SATB1: variants seen among roughly 807,000 people sequenced by gnomAD.
SATB1 encodes SATB homeobox 1.
Under a neutral mutation model 86.9 loss-of-function variants are expected in SATB1, and 11 were observed. The ratio of observed to expected loss-of-function variants is 0.13; its 90% confidence interval spans 0.08 to 0.21. The LOEUF is 0.21. Ranked by LOEUF, SATB1 falls within the 10% of genes least tolerant of loss-of-function variation. The pLI is 1.00. For missense variants in SATB1, 551 were observed against 937.6 expected (o/e 0.59, Z 5.39); for synonymous variants, 357 against 357.2 (o/e 1.00, Z 0.01).
intron 1 of SATB1, chr3:18,436,951 T>A (rs139245447): frequency 6.6e-5 from 10 of 152,188 alleles, no homozygotes; most frequent in African/African-American, 2.4e-4. Flanking sequence ...AAGTCCAGCT[T>A]TAAATCCCTC....
At chr3:18,415,270 A>G in intron 4 of SATB1, 36 bp from the exon 5 acceptor site, 1 of 1,610,836 alleles carries the variant, frequency 6.2e-7, no homozygotes, top group Non-Finnish European at 8.5e-7. Flanking sequence ...GGATTATTAC[A>G]AGATTGCATC....
chr3:18,377,873 A>G (rs889886839), intron 9 of SATB1, among the ~76,000 whole-genome samples: 22 of 152,198 alleles, frequency 1.4e-4, no homozygotes, highest in Admixed American at 6.5e-5. Context: ...TTATTCTACT[A>G]CAATAGACCA....
At chr3:18,418,944 C>T (rs549007314) in intron 2 of SATB1, among the ~76,000 whole-genome samples, 31 of 152,294 alleles carry the variant, frequency 2.0e-4, no homozygotes, top group African/African-American at 7.2e-4. Context: ...TAGTTTTCCT[C>T]CTCCTGTCCT....
intron 9 of SATB1, among the ~76,000 whole-genome samples, chr3:18,365,101 A>AG (rs1695117945): frequency 1.3e-5 from 2 of 152,172 alleles, no homozygotes; most frequent in African/African-American, 4.8e-5. Context: ...ATGAGATTTC[A>AG]TTAATTAAAT....
chr3:18,360,325 C>T (rs116012561), intron 9 of SATB1, among the ~76,000 whole-genome samples: 1,987 of 152,224 alleles, frequency 0.013, 26 homozygotes, highest in Middle Eastern at 0.034. Context: ...CCCATAGTTA[C>T]CCTACTGTGC....
intron 5 of SATB1, among the ~76,000 whole-genome samples, chr3:18,397,944 C>G (rs147728891): frequency 6.6e-6 from 1 of 152,274 alleles, no homozygotes; most frequent in East Asian, 1.9e-4. Flanking sequence ...AAACTATTCA[C>G]AGAGATCCTC....
intron 5 of SATB1, among the ~76,000 whole-genome samples, chr3:18,403,382 T>C (rs1306099610): frequency 6.6e-6 from 1 of 152,120 alleles, no homozygotes; most frequent in Non-Finnish European, 1.5e-5. Context: ...GGTTTCTGAA[T>C]GCTAATTAAT....
intron 8 of SATB1, among the ~76,000 whole-genome samples, chr3:18,379,501 A>T (rs968273309): frequency 6.6e-6 from 1 of 152,224 alleles, no homozygotes; most frequent in Non-Finnish European, 1.5e-5. Flanking sequence ...AAACCATGAA[A>T]ATAGAAAATG....
intron 8 of SATB1, among the ~76,000 whole-genome samples, chr3:18,380,829 T>G (rs1263923752): frequency 1.3e-5 from 2 of 152,246 alleles, no homozygotes; most frequent in South Asian, 2.1e-4. Context: ...GAAACAAAAA[T>G]CTTTTATACC....
At chr3:18,371,623 G>T (rs1253930300) in intron 9 of SATB1, among the ~76,000 whole-genome samples, 2 of 151,998 alleles carry the variant, frequency 1.3e-5, no homozygotes, top group Non-Finnish European at 2.9e-5. Context: ...AATTTTAATG[G>T]TACAGTTTCT....
At chr3:18,370,554 A>AAAAAAG (rs1391310238) in intron 9 of SATB1, among the ~76,000 whole-genome samples, 2 of 147,412 alleles carry the variant, frequency 1.4e-5, no homozygotes, top group East Asian at 1.9e-4. Flanking sequence ...AACAAAAAAG[A>AAAAAAG]AAAAAGAAAA....
intron 9 of SATB1, among the ~76,000 whole-genome samples, chr3:18,356,625 A>G (rs754372225): frequency 6.6e-6 from 1 of 151,808 alleles, no homozygotes; most frequent in Non-Finnish European, 1.5e-5. Flanking sequence ...TTGTTGTACC[A>G]CATTTAAATA....
At chr3:18,420,701 C>T in intron 2 of SATB1, 56 bp downstream of exon 2, 1 of 1,424,998 alleles carries the variant, frequency 7.0e-7, no homozygotes, top group Admixed American at 1.7e-5. Context: ...CACAGTGTGG[C>T]CTTGTGTAGA....
chr3:18,370,514 G>GAA (rs1559407361), intron 9 of SATB1, among the ~76,000 whole-genome samples: 37 of 13,118 alleles, frequency 2.8e-3, no homozygotes, highest in Non-Finnish European at 5.0e-3. Context: ...ACTGAGAGAG[G>GAA]CAAAAAAAAA....
rs1694410306 is a variant in SATB1 at position 18,352,383 on chromosome 3, G to C, written c.1576-188C>G. On this transcript the variant is annotated intron_variant, in intron 9 of 10. Coordinates refer to ENST00000338745, the MANE Select transcript of SATB1 (RefSeq NM_002971.6). This position sits in a 1 kb window ranked among gnomAD's most constrained non-coding sequence, Gnocchi z 4.1. ...TGTGGCTGTCAAGGAGGCAGACTCT[G>C]TTTCTAATCAAAGTTCAGATTTGCA... is the stretch of plus-strand genomic sequence containing the variant. 1 of 564,118 alleles carries C rather than the reference G, an allele frequency of 1.8e-6. No individual in the cohort carries two copies. Among genetic ancestry groups the C allele is most frequent in the Admixed American group, 3.0e-5 (1 of 32,952 alleles). 34.9% of individuals were successfully genotyped at this position (564,118 alleles called of 1,614,324 possible).
chr3:18,348,135 T>C lies in SATB1; in HGVS notation c.*1035A>G, dbSNP rs951880486. 4 of 152,644 alleles carry C rather than the reference T, an allele frequency of 2.6e-5. No homozygotes were observed. The highest frequency in any genetic ancestry group is 5.9e-5 in the Non-Finnish European group (4 of 68,024). The allele number at this position is 152,644 out of a possible 1,614,324, so 9.5% of individuals were successfully genotyped here. ...ATTTTATACAGATGTAGCTTTAAAATTGATTGTAAACCAAAGGAAGACACA... is the reference window on the plus strand; with the variant it reads ...ATTTTATACAGATGTAGCTTTAAAACTGATTGTAAACCAAAGGAAGACACA... On this transcript the variant is annotated 3_prime_UTR_variant, in exon 11 of 11. Coordinates refer to ENST00000338745, the MANE Select transcript of SATB1 (RefSeq NM_002971.6).
chr3:18,366,367 G>A (rs1303181311), intron 9 of SATB1, among the ~76,000 whole-genome samples: 1 of 151,402 alleles, frequency 6.6e-6, no homozygotes, highest in Non-Finnish European at 1.5e-5. Context: ...CATCAATCGA[G>A]TATTCTCACA....
chr3:18,412,317 G>C (rs913381150), intron 5 of SATB1, among the ~76,000 whole-genome samples: 1 of 152,030 alleles, frequency 6.6e-6, no homozygotes, highest in African/African-American at 2.4e-5. Flanking sequence ...ATCGTCCTAA[G>C]AGCATTGGAG....
Position 18,349,955 on chromosome 3 carries a change from C to T in SATB1, c.1780-273G>A. On this transcript the variant is annotated intron_variant, in intron 10 of 10. Coordinates refer to ENST00000338745, the MANE Select transcript of SATB1 (RefSeq NM_002971.6). This position sits in a 1 kb window ranked among gnomAD's most constrained non-coding sequence, Gnocchi z 5.5. ...GCAGAGGAAGTGAAAACTCAGTGCT[C>T]TGAAAATGTGAGCCATAAAATTCAC... 4.3e-6 allele frequency: 2 copies of T among 461,952 alleles called. No individual in the cohort carries two copies. Among genetic ancestry groups the T allele is most frequent in the Non-Finnish European group, 7.4e-6 (2 of 270,424 alleles). The allele number at this position is 461,952 out of a possible 1,614,324, so 28.6% of individuals were successfully genotyped here. A position where few individuals can be genotyped will look rare whatever the true frequency, so the allele number is the denominator to read the frequency against.
Sources: gnomAD v4.1 joint callset for allele counts (sites outside exome capture counted in the v4.1 genomes callset) on GRCh38, gnomAD v4.1.1 for gene constraint, Gnocchi (gnomAD v3.1) non-coding constraint, MANE v1.5 for transcripts, NCBI Gene and HGNC (gene_info 2026-07-23, HGNC 2026-07-21) for gene names.